Variants in COL11A2 observed in about 807,000 individuals in gnomAD.
COL11A2 encodes the protein collagen alpha-2(XI) chain.
COL11A2 carries 116 observed loss-of-function variants against 273.4 expected under a neutral mutation model. The ratio of observed to expected loss-of-function variants is 0.42; its 90% CI spans 0.36 to 0.49. COL11A2 has a LOEUF of 0.49. COL11A2 is among the 20% of genes least tolerant of loss of function. The pLI, the probability that COL11A2 is intolerant of heterozygous loss-of-function variation, is 0.00. For missense variants in COL11A2, 1,866 were observed against 2,309.0 expected, an observed-to-expected ratio of 0.81 and a Z score of 3.93; for synonymous variants, 782 against 864.2, an observed-to-expected ratio of 0.90 and a Z score of 1.67.
chr6:33,174,199 C>A lies in COL11A2; in HGVS notation c.2450G>T (p.Gly817Val), dbSNP rs867987040. 6.3e-7 allele frequency: 1 copy of A among 1,575,934 alleles called. No individual in the cohort carries two copies. Residue 817 changes from glycine to valine, a missense_variant, in exon 32 of 66, where the codon GGC (glycine) becomes GTC (valine). By Grantham distance (109) the Gly-to-Val change is moderately radical (BLOSUM62 -3). Coordinates refer to ENST00000341947, the MANE Select transcript of COL11A2 (RefSeq NM_080680.3). The stretch of plus-strand genomic sequence containing the variant: ...CTTCTCTCCACTGGCACCAGGAAAG[C>A]CAGGAAATCCTAGGGACCCCTGGTG... ...QGPKGSLGFP[G>V]FPGASGEKGA...
rs891539430 is a variant in COL11A2 at position 33,167,085 on chromosome 6, T to G, written c.4215A>C (p.Gly1405=). ...PGLPGLRGDA[G]AKGEKGHPGL... ...TGTCACTCACCTTCTCTCCCTTGGC[T>G]CCAGCATCGCCCCGGAGACCAGGCA... The change falls in exon 58 of 66, where the codon GGA becomes GGC. Residue 1405 remains glycine, a synonymous_variant. Coordinates refer to ENST00000341947, the MANE Select transcript of COL11A2 (RefSeq NM_080680.3). This position sits in a 1 kb window ranked among gnomAD's most constrained non-coding sequence, Gnocchi z 6.1. 2.5e-5 allele frequency: 40 copies of G among 1,613,828 alleles called. No individual in the cohort carries two copies. The highest frequency in any genetic ancestry group is 3.1e-5 in the Non-Finnish European group (36 of 1,180,006).
In COL11A2 at chr6:33,179,607, C is replaced by G; in HGVS notation, c.1446+112G>C. 1 of 1,466,898 alleles carries G rather than the reference C, an allele frequency of 6.8e-7. No individual in the cohort carries two copies. Among genetic ancestry groups the G allele is most frequent in the Non-Finnish European group, 9.4e-7 (1 of 1,069,010 alleles). The allele number at this position is 1,466,898 out of a possible 1,614,324, so 90.9% of individuals were successfully genotyped here. On this transcript the variant is annotated intron_variant, in intron 13 of 65. Coordinates refer to ENST00000341947, the MANE Select transcript of COL11A2 (RefSeq NM_080680.3). This position sits in a 1 kb window ranked among gnomAD's most constrained non-coding sequence, Gnocchi z 6.4. ...ATCCACTGCCCAGGATTCTCCCCAA[C>G]CTCCCTGTTAACCCCAAACCAACCC...
intron 40 of COL11A2, 45 bp from the exon 41 acceptor site, chr6:33,172,148 A>G: frequency 6.2e-7 from 1 of 1,610,986 alleles, no homozygotes; most frequent in Non-Finnish European, 8.5e-7. Flanking sequence ...ACGAAAAGAG[A>G]AGGGTGAGAG....
Position 33,173,243 on chromosome 6 carries a change from G to T in COL11A2, c.2736+105C>A. 2 of 1,525,984 alleles carry T rather than the reference G, an allele frequency of 1.3e-6. No homozygotes were observed. The highest frequency in any genetic ancestry group is 1.8e-6 in the Non-Finnish European group (2 of 1,112,438). 94.5% of individuals were successfully genotyped at this position (1,525,984 alleles called of 1,614,324 possible). A position where few individuals can be genotyped will look rare whatever the true frequency, so the allele number is the denominator to read the frequency against. On this transcript the variant is annotated intron_variant, in intron 37 of 65. Transcript: ENST00000341947. This position sits in a 1 kb window ranked among gnomAD's most constrained non-coding sequence, Gnocchi z 6.3. ...CTGGGTCTGAGCAGCACCAGGGCAG[G>T]CTCCACTCTGCCAGGAGAACGTCCC... is the stretch of plus-strand genomic sequence containing the variant.
chr6:33,185,762 T>A lies in COL11A2; in HGVS notation c.815A>T (p.Tyr272Phe). The A allele has an allele frequency of 7.4e-7, 1 of 1,345,176 alleles. No individual in the cohort carries two copies. The highest frequency in any genetic ancestry group is 9.9e-7 in the Non-Finnish European group (1 of 1,009,678). 83.3% of individuals were successfully genotyped at this position (1,345,176 alleles called of 1,614,324 possible). A position where few individuals can be genotyped will look rare whatever the true frequency, so the allele number is the denominator to read the frequency against. ...EPQSQPTESL[Y>F]YDYEPPYYDV... The stretch of plus-strand genomic sequence containing the variant: ...ATAATAGGGGGGCTCGTAGTCATAG[T>A]AGAGAGACTCAGTGGGCTGGGATTG... The change falls in exon 6 of 66, where the codon TAC becomes TTC. Residue 272 changes from tyrosine to phenylalanine, a missense_variant. Tyr to Phe is a conservative substitution (Grantham distance 22). Coordinates refer to ENST00000341947, the MANE Select transcript of COL11A2 (RefSeq NM_080680.3).
In COL11A2 at chr6:33,192,423, G is replaced by C; in HGVS notation, c.-183C>G. The C allele has an allele frequency of 1.6e-6, 1 of 642,686 alleles. No homozygotes were observed. The highest frequency in any genetic ancestry group is 1.8e-5 in the South Asian group (1 of 55,556). 39.8% of individuals were successfully genotyped at this position (642,686 alleles called of 1,614,324 possible). A position where few individuals can be genotyped will look rare whatever the true frequency, so the allele number is the denominator to read the frequency against. On this transcript the variant is annotated 5_prime_UTR_variant, in exon 1 of 66. Transcript: ENST00000341947. ...AGCTCCATGCAGCAAGGCGCCGTCG[G>C]GGCTCCCGGCACTGCTCCCTCCTCG...
Position 33,177,216 on chromosome 6 carries a change from C to T in COL11A2, c.1981G>A (p.Gly661Arg), listed in dbSNP as rs121912945. Residue 661 changes from glycine (G) to arginine (R), a missense_variant, in exon 24 of 66, where the codon GGG becomes AGG. Coordinates refer to ENST00000341947, the MANE Select transcript of COL11A2 (RefSeq NM_080680.3). The surrounding 1 kb of genome is among the most constrained non-coding windows in gnomAD (Gnocchi z 5.9). ...QGTPGTQGLPGPQGAIGPHGE... is the reference protein window; with the variant it reads ...QGTPGTQGLPRPQGAIGPHGE... ...TGAGGGCCGATGGCACCCTGGGGCC[C>T]GGGAAGACCCTACATACAGGGAAAG... 5.0e-6 allele frequency: 8 copies of T among 1,613,058 alleles called. No individual in the cohort carries two copies. The highest frequency in any genetic ancestry group is 1.3e-5 in the African/African-American group (1 of 75,042).
Position 33,169,709 on chromosome 6 carries a change from G to A in COL11A2, c.3690+122C>T. ...CCAGGGATCAGGCCTCATAGAGGAT[G>A]GCAGGGAGCAGAGACTCTTGCTGCA... is the stretch of plus-strand genomic sequence containing the variant. On this transcript the variant is annotated intron_variant, in intron 50 of 65. Transcript: ENST00000341947. This position sits in a 1 kb window ranked among gnomAD's most constrained non-coding sequence, Gnocchi z 5.5. The A allele has an allele frequency of 7.8e-7, 1 of 1,288,436 alleles. No homozygotes were observed. Among genetic ancestry groups the A allele is most frequent in the South Asian group, 1.2e-5 (1 of 84,058 alleles). The allele number at this position is 1,288,436 out of a possible 1,614,324, so 79.8% of individuals were successfully genotyped here.
intron 6 of COL11A2, 97 bp from the exon 7 acceptor site, chr6:33,185,151 CA>C: frequency 1.1e-6 from 1 of 886,648 alleles, no homozygotes; most frequent in East Asian, 2.6e-5. Context: ...CCCCCGAGGG[CA>C]GGGTCTGTCT....
In COL11A2 at chr6:33,179,801, C is replaced by T. The variant is rs781138300; in HGVS notation, c.1364G>A (p.Arg455Gln). 7 of 1,611,066 alleles carry T rather than the reference C, an allele frequency of 4.3e-6. No individual in the cohort carries two copies. Among genetic ancestry groups the T allele is most frequent in the Admixed American group, 3.3e-5 (2 of 60,004 alleles). The change falls in exon 13 of 66, where the codon CGG becomes CAG. Residue 455 changes from arginine (R) to glutamine (Q), a missense_variant. Transcript: ENST00000341947. The surrounding 1 kb of genome is among the most constrained non-coding windows in gnomAD (Gnocchi z 6.4). ...PPGTSLMLPF[R>Q]FGSGGGDKGP... ...CTTGTCACCCCCACCACTGCCAAAC[C>T]GGAACTGAGGTCAAGGAGAGAAGGT... is the stretch of plus-strand genomic sequence containing the variant.
chr6:33,165,502 C>T lies in COL11A2; in HGVS notation c.4750+47G>A. ...CAGCATCCATTCTGCTTGTTCAGTA[C>T]CCATGCTGTTGGGGAGATGTTTGTG... On this transcript the variant is annotated intron_variant, in intron 63 of 65. Transcript: ENST00000341947. The surrounding 1 kb of genome is among the most constrained non-coding windows in gnomAD (Gnocchi z 7.7). 1 of 1,605,670 alleles carries T rather than the reference C, an allele frequency of 6.2e-7. No homozygotes were observed. The highest frequency in any genetic ancestry group is 8.5e-7 in the Non-Finnish European group (1 of 1,179,728).
At position 33,168,511 on chromosome 6, in the gene COL11A2, T is replaced by G; in HGVS notation, c.3960+8A>C. ...CCTCCCAAGGTCTCAGGGGTCCACC[T>G]CACTTACTCGCTTTCCAAGTGGCCC... is the stretch of plus-strand genomic sequence containing the variant. On this transcript the variant is annotated splice_region_variant and intron_variant, in intron 54 of 65. Coordinates refer to ENST00000341947, the MANE Select transcript of COL11A2 (RefSeq NM_080680.3). 1 of 1,613,234 alleles carries G rather than the reference T, an allele frequency of 6.2e-7. No homozygotes were observed. Among genetic ancestry groups the G allele is most frequent in the Non-Finnish European group, 8.5e-7 (1 of 1,179,844 alleles).
In COL11A2 at chr6:33,181,187, T is replaced by A; in HGVS notation, c.1120-17A>T. ...ATGGGCAGCCTGAAGGAGACACACATGTAGCCCCCAGTGGGGCCCGTGAGC... is the reference window on the plus strand; with the variant it reads ...ATGGGCAGCCTGAAGGAGACACACAAGTAGCCCCCAGTGGGGCCCGTGAGC... On this transcript the variant is annotated splice_polypyrimidine_tract_variant and intron_variant, in intron 8 of 65. Coordinates refer to ENST00000341947, the MANE Select transcript of COL11A2 (RefSeq NM_080680.3). 1 of 1,614,128 alleles carries A rather than the reference T, an allele frequency of 6.2e-7. No homozygotes were observed. The highest frequency in any genetic ancestry group is 8.5e-7 in the Non-Finnish European group (1 of 1,179,994).
In COL11A2 at chr6:33,179,712, C is replaced by T; in HGVS notation, c.1446+7G>A. On this transcript the variant is annotated splice_region_variant and intron_variant, in intron 13 of 65. Transcript: ENST00000341947. The surrounding 1 kb of genome is among the most constrained non-coding windows in gnomAD (Gnocchi z 6.4). ...CCTTCCCTTTCCAGGGAAGCAGCCC[C>T]ACTCACCCTCGCCTGCTGCAGGATC... The T allele has an allele frequency of 6.2e-7, 1 of 1,611,566 alleles. No individual in the cohort carries two copies. Among genetic ancestry groups the T allele is most frequent in the Non-Finnish European group, 8.5e-7 (1 of 1,179,956 alleles).
In COL11A2 at chr6:33,164,749, G is replaced by T. The variant is rs568289414; in HGVS notation, c.4863+103C>A. ...GTGGAGAAGGGGTGGCAGGCTCCGG[G>T]GGGGGCAACAGCCAGGGGACTGTCA... is the stretch of plus-strand genomic sequence containing the variant. On this transcript the variant is annotated intron_variant, in intron 64 of 65. Coordinates refer to ENST00000341947, the MANE Select transcript of COL11A2 (RefSeq NM_080680.3). The surrounding 1 kb of genome is among the most constrained non-coding windows in gnomAD (Gnocchi z 4.7). 12 of 1,009,244 alleles carry T rather than the reference G, an allele frequency of 1.2e-5. No homozygotes were observed. Among genetic ancestry groups the T allele is most frequent in the African/African-American group, 8.0e-5 (5 of 62,372 alleles). 62.5% of individuals were successfully genotyped at this position (1,009,244 alleles called of 1,614,324 possible). A position where few individuals can be genotyped will look rare whatever the true frequency, so the allele number is the denominator to read the frequency against.
Position 33,167,091 on chromosome 6 carries a change from A to G in COL11A2, c.4209T>C (p.Asp1403=). ...GPPGLPGLRG[D]AGAKGEKGHP... ...TCACCTTCTCTCCCTTGGCTCCAGCATCGCCCCGGAGACCAGGCAGCCCTG... is the reference window on the plus strand; with the variant it reads ...TCACCTTCTCTCCCTTGGCTCCAGCGTCGCCCCGGAGACCAGGCAGCCCTG... The change falls in exon 58 of 66, where the codon GAT becomes GAC. Residue 1403 remains aspartate (D), a synonymous_variant. Coordinates refer to ENST00000341947, the MANE Select transcript of COL11A2 (RefSeq NM_080680.3). This position sits in a 1 kb window ranked among gnomAD's most constrained non-coding sequence, Gnocchi z 6.1. 1.2e-6 allele frequency: 2 copies of G among 1,614,010 alleles called. No individual in the cohort carries two copies. Among genetic ancestry groups the G allele is most frequent in the Non-Finnish European group, 1.7e-6 (2 of 1,179,990 alleles).
Position 33,179,000 on chromosome 6 carries a change from C to T in COL11A2, c.1612-27G>A. On this transcript the variant is annotated intron_variant, in intron 16 of 65. Transcript: ENST00000341947. The surrounding 1 kb of genome is among the most constrained non-coding windows in gnomAD (Gnocchi z 4.6). The stretch of plus-strand genomic sequence containing the variant: ...TGGGAGAACAAGGGAAGTGTCAGAA[C>T]AAGCAGGGCCGCAGTCCCCTACCCT... The T allele has an allele frequency of 6.2e-7, 1 of 1,614,104 alleles. No homozygotes were observed. The highest frequency in any genetic ancestry group is 2.2e-5 in the East Asian group (1 of 44,872).
Position 33,174,546 on chromosome 6 carries a change from G to A in COL11A2, c.2411C>T (p.Pro804Leu). 6.2e-7 allele frequency: 1 copy of A among 1,612,650 alleles called. No individual in the cohort carries two copies. Among genetic ancestry groups the A allele is most frequent in the Admixed American group, 1.7e-5 (1 of 59,998 alleles). The change falls in exon 31 of 66, where the codon CCT (proline) becomes CTT (leucine). Residue 804 changes from proline to leucine, a missense_variant. Pro to Leu is a moderately conservative substitution (Grantham distance 98). Coordinates refer to ENST00000341947, the MANE Select transcript of COL11A2 (RefSeq NM_080680.3). ...CATCACCTTGGGTCCCTGACGTCCAGGATAGCCAGGCAGACCAGGAACACC... is the reference window on the plus strand; with the variant it reads ...CATCACCTTGGGTCCCTGACGTCCAAGATAGCCAGGCAGACCAGGAACACC... ...KLGVPGLPGY[P>L]GRQGPKGSLG...
Position 33,171,579 on chromosome 6 carries a change from G to A in COL11A2, c.3151-5C>T. On this transcript the variant is annotated splice_region_variant and splice_polypyrimidine_tract_variant and intron_variant, in intron 42 of 65. Transcript: ENST00000341947. Reference sequence around the variant, plus strand: ...GCCAATGGGGCCCTTCTCACCCTGTGGGACAGGAGGAAGGAGTCATGGCCT... The same window carrying A: ...GCCAATGGGGCCCTTCTCACCCTGTAGGACAGGAGGAAGGAGTCATGGCCT... 1.2e-6 allele frequency: 2 copies of A among 1,613,210 alleles called. No individual in the cohort carries two copies. Among genetic ancestry groups the A allele is most frequent in the Non-Finnish European group, 1.7e-6 (2 of 1,179,474 alleles).
Sources: allele counts gnomAD v4.1 joint callset, GRCh38; gene constraint gnomAD v4.1.1; non-coding constraint Gnocchi (gnomAD v3.1); transcripts MANE v1.5; gene names NCBI Gene and HGNC (gene_info 2026-07-23, HGNC 2026-07-21).